Variants in CCDC171 observed in about 807,000 individuals in gnomAD.
The protein encoded by CCDC171 is coiled-coil domain containing 171.
Under a neutral mutation model 168.2 loss-of-function variants are expected in CCDC171, and 177 were observed. The ratio of observed to expected loss-of-function variants is 1.05; its 90% CI spans 0.93 to 1.19. The LOEUF (loss-of-function observed/expected upper bound fraction) is 1.19. Ranked by LOEUF, CCDC171 falls within the 50% of genes most tolerant of loss-of-function variation. The probability of loss-of-function intolerance (pLI) is 0.00; values close to 1 mark genes in which losing one functional copy is unlikely to be tolerated. For missense variants in CCDC171, 1,991 were observed against 1,539.0 expected (o/e 1.29, Z -4.91); for synonymous variants, 687 against 540.8 (o/e 1.27, Z -3.75).
At chr9:15,570,960 A>T (rs2131063413) in intron 2 of CCDC171, among the ~76,000 whole-genome samples, 1 of 152,190 alleles carries the variant, frequency 6.6e-6, no homozygotes, top group South Asian at 2.1e-4. Context: ...GGTATAGGGG[A>T]TGGGGATCTG....
At chr9:15,900,047 G>A (rs1345452295) in intron 24 of CCDC171, among the ~76,000 whole-genome samples, 1 of 152,068 alleles carries the variant, frequency 6.6e-6, no homozygotes, top group African/African-American at 2.4e-5. Flanking sequence ...AGTGTTTCAG[G>A]CTGCAGTAAT....
At chr9:15,653,396 C>A (rs1202566102) in intron 7 of CCDC171, among the ~76,000 whole-genome samples, 2 of 152,100 alleles carry the variant, frequency 1.3e-5, no homozygotes, top group Non-Finnish European at 1.5e-5. Context: ...CCTGAGTTGG[C>A]CTTCTGAAGT....
intron 25 of CCDC171, among the ~76,000 whole-genome samples, chr9:15,957,957 A>G (rs893524646): frequency 6.6e-6 from 1 of 152,202 alleles, no homozygotes; most frequent in African/African-American, 2.4e-5. Context: ...AGCTTGAGAC[A>G]CTTCGAAAGG....
intron 16 of CCDC171, among the ~76,000 whole-genome samples, chr9:15,739,298 G>A (rs2054694727): frequency 6.6e-6 from 1 of 152,194 alleles, no homozygotes; most frequent in African/African-American, 2.4e-5. Flanking sequence ...AAAAGTAGTG[G>A]TGAGGCTAAT....
chr9:15,643,436 A>T (rs888233755), intron 7 of CCDC171, among the ~76,000 whole-genome samples: 1 of 152,000 alleles, frequency 6.6e-6, no homozygotes, highest in Non-Finnish European at 1.5e-5. Context: ...CCTCTGGGGG[A>T]CCCTTGTTCT....
rs1249437194 is a variant in CCDC171, at chr9:15,560,051, A to C, written c.-111-3927A>C. Among the ~76,000 whole-genome samples the C allele has an allele frequency of 2.0e-5, 3 of 152,156 alleles. No individual in the cohort carries two copies. The East Asian group carries it at 5.8e-4, about 29-fold the overall frequency. ...AAATTCTTTTCTTTAAGAATGTTGA[A>C]TATTGGCCCTCACTCTCTTCTGGCT... On this transcript the variant is annotated intron_variant, in intron 1 of 25. Coordinates refer to ENST00000380701, the MANE Select transcript of CCDC171 (RefSeq NM_173550.4).
chr9:15,989,409 C>T (rs1367091144), intron 3 of CCDC171, among the ~76,000 whole-genome samples: 1 of 152,150 alleles, frequency 6.6e-6, no homozygotes, highest in African/African-American at 2.4e-5. Flanking sequence ...AGGACATCCA[C>T]ACCAAAACCA....
At chr9:15,616,054 G>A (rs1211735869) in intron 6 of CCDC171, among the ~76,000 whole-genome samples, 3 of 152,268 alleles carry the variant, frequency 2.0e-5, no homozygotes, top group South Asian at 2.1e-4. Flanking sequence ...GGGTTCAAGC[G>A]ATTCTCTTGC....
At chr9:16,030,894 A>G (rs1177675387) in intron 6 of CCDC171, among the ~76,000 whole-genome samples, 1 of 152,132 alleles carries the variant, frequency 6.6e-6, no homozygotes, top group Non-Finnish European at 1.5e-5. Flanking sequence ...GAAAATCAAC[A>G]TGAAGATTAA....
At position 15,581,922 on chromosome 9, in the gene CCDC171, T is replaced by C. The variant is rs554629444; in HGVS notation, c.352+2899T>C. ...AAAGCAATGGCAACAAAAGCCAAAA[T>C]AGACAAATGGGATCTAATTAAACTA... On this transcript the variant is annotated intron_variant, in intron 4 of 25. Coordinates refer to ENST00000380701, the MANE Select transcript of CCDC171 (RefSeq NM_173550.4). Among the ~76,000 whole-genome samples, 728 of 151,794 alleles carry C rather than the reference T, an allele frequency of 4.8e-3. 7 individuals carry two copies. Among genetic ancestry groups the C allele is most frequent in the African/African-American group, 0.017 (702 of 41,102 alleles).
intron 24 of CCDC171, among the ~76,000 whole-genome samples, chr9:15,918,927 C>T (rs1020947974): frequency 1.3e-5 from 2 of 151,590 alleles, no homozygotes; most frequent in African/African-American, 4.8e-5. Context: ...TTCTTCAAAG[C>T]AGTCATTAAT....
At chr9:15,910,776 T>C (rs1428643057) in intron 24 of CCDC171, among the ~76,000 whole-genome samples, 1 of 152,112 alleles carries the variant, frequency 6.6e-6, no homozygotes, top group Non-Finnish European at 1.5e-5. Flanking sequence ...AACTCCCACT[T>C]ATGAGTGAGA....
At chr9:15,617,716 TTC>T (rs1158066586) in intron 6 of CCDC171, among the ~76,000 whole-genome samples, 1 of 152,028 alleles carries the variant, frequency 6.6e-6, no homozygotes, top group Non-Finnish European at 1.5e-5. Flanking sequence ...TGTTGTTCCT[TTC>T]TGTTTGTTAG....
intron 23 of CCDC171, among the ~76,000 whole-genome samples, chr9:15,859,191 A>G (rs2130937650): frequency 6.6e-6 from 1 of 152,136 alleles, no homozygotes; most frequent in South Asian, 2.1e-4. Context: ...ATGTATCATA[A>G]TTGATTTTTG....
At chr9:15,824,072 T>C (rs2059910603) in intron 21 of CCDC171, among the ~76,000 whole-genome samples, 1 of 152,064 alleles carries the variant, frequency 6.6e-6, no homozygotes. Context: ...AGAAAATTTT[T>C]TTCCAAGCTT....
intron 6 of CCDC171, among the ~76,000 whole-genome samples, chr9:15,605,225 A>G (rs2043133416): frequency 6.6e-6 from 1 of 152,076 alleles, no homozygotes. Flanking sequence ...ACACATTAAC[A>G]TATGTTGACA....
chr9:16,094,331 C>G, the CCDC171 span, among the ~76,000 whole-genome samples: 1 of 152,144 alleles, frequency 6.6e-6, no homozygotes. Context: ...GAGTGGTGAG[C>G]TGGTTAGGAG....
rs777530263 is a variant in CCDC171 at position 15,729,589 on chromosome 9, CTGT to C, written c.1861-18_1861-16del. ...ATAGCTTGTGAGCATATTTCCTTCT[CTGT>C]TGCATCTCCCCGTATAGATAAGGCA... On this transcript the variant is annotated intron_variant, in intron 15 of 25. Coordinates refer to ENST00000380701, the MANE Select transcript of CCDC171 (RefSeq NM_173550.4). 5 of 1,520,322 alleles carry C rather than the reference CTGT, an allele frequency of 3.3e-6. No homozygotes were observed. In the South Asian group the frequency reaches 6.6e-5, roughly 20 times the overall value. 94.2% of individuals were successfully genotyped at this position (1,520,322 alleles called of 1,614,324 possible).
intron 1 of CCDC171, among the ~76,000 whole-genome samples, chr9:15,563,707 C>T (rs1194483655): frequency 2.6e-5 from 4 of 152,128 alleles, no homozygotes; most frequent in South Asian, 2.1e-4. Context: ...TCAGACTGTT[C>T]AGTCAGCCAC....
Sources: allele counts gnomAD v4.1 joint callset (sites outside exome capture counted in the v4.1 genomes callset), GRCh38; gene constraint gnomAD v4.1.1; transcripts MANE v1.5; gene names NCBI Gene and HGNC (gene_info 2026-07-23, HGNC 2026-07-21).